Variants in MYCT1 observed in about 807,000 individuals in gnomAD.
The protein encoded by MYCT1 is myc target protein 1.
Under a neutral mutation model 15.0 loss-of-function variants are expected in MYCT1, and 12 were observed. That is an observed-to-expected ratio of 0.80 (90% CI 0.51 to 1.29). The LOEUF is 1.29. Among genes scored for constraint, MYCT1 ranks in the 50% most tolerant of loss-of-function variants. The pLI is 0.00. For synonymous variants in MYCT1, 104 were observed against 102.7 expected, an observed-to-expected ratio of 1.01 and a Z score of -0.07; for missense variants, 287 against 279.1, an observed-to-expected ratio of 1.03 and a Z score of -0.20.
At chr6:152,731,951 G>A in the MYCT1 span, among the ~76,000 whole-genome samples, 1 of 152,142 alleles carries the variant, frequency 6.6e-6, no homozygotes, top group South Asian at 2.1e-4. Context: ...GTTTCACCAT[G>A]TGGCCTCGGC....
At chr6:152,742,688 T>C in the MYCT1 span, among the ~76,000 whole-genome samples, 1 of 152,202 alleles carries the variant, frequency 6.6e-6, no homozygotes, top group East Asian at 1.9e-4. Flanking sequence ...GGGCCTTCTT[T>C]AGTGGATCCT....
intron 1 of MYCT1, among the ~76,000 whole-genome samples, chr6:152,706,596 A>T (rs78811126): frequency 0.01 from 1,548 of 152,226 alleles, 23 homozygotes; most frequent in African/African-American, 0.036. Flanking sequence ...GTTTAAAGTT[A>T]AAAATACTAC....
intron 1 of MYCT1, among the ~76,000 whole-genome samples, chr6:152,720,561 G>A (rs1414756739): frequency 6.6e-6 from 1 of 152,192 alleles, no homozygotes; most frequent in Non-Finnish European, 1.5e-5. Context: ...TTTTGTCTAG[G>A]AAATGTAGGA....
intron 1 of MYCT1, among the ~76,000 whole-genome samples, chr6:152,704,840 A>AGGTAGTTAGCTTTATTTTTGGT (rs1452103538): frequency 1.3e-5 from 2 of 152,286 alleles, no homozygotes; most frequent in African/African-American, 4.8e-5. Context: ...CCATCACCTG[A>AGGTAGTTAGCTTTATTTTTGGT]GGTAGTTAGC....
chr6:152,721,940 A>G lies in MYCT1; in HGVS notation c.395A>G (p.Glu132Gly), dbSNP rs1304122616. 1.2e-6 allele frequency: 2 copies of G among 1,614,150 alleles called. No individual in the cohort carries two copies. The highest frequency in any genetic ancestry group is 8.5e-7 in the Non-Finnish European group (1 of 1,180,016). ...GGATTTTACCGCCACAGTGGCTGTG[A>G]ACGTCGAAGCAACCTCAGCCTGGCC... ...RTGFYRHSGC[E>G]RRSNLSLASL... The change falls in exon 2 of 2, where the codon GAA becomes GGA. Residue 132 changes from glutamate to glycine, a missense_variant. Physicochemically the swap from Glu to Gly is moderately conservative, Grantham distance 98 (BLOSUM62 -2). Transcript: ENST00000367245.
intron 1 of MYCT1, among the ~76,000 whole-genome samples, chr6:152,704,999 CT>C (rs2099722009): frequency 6.6e-6 from 1 of 152,124 alleles, no homozygotes; most frequent in Non-Finnish European, 1.5e-5. Flanking sequence ...CAGCATCTCC[CT>C]TTTTCCCTCA....
At chr6:152,730,025 C>T in the MYCT1 span, among the ~76,000 whole-genome samples, 3 of 152,130 alleles carry the variant, frequency 2.0e-5, no homozygotes, top group African/African-American at 7.2e-5. Context: ...TGTAGATGTG[C>T]CAATCACATT....
chr6:152,700,634 CT>C (rs1198198498), intron 1 of MYCT1, among the ~76,000 whole-genome samples: 1 of 152,066 alleles, frequency 6.6e-6, no homozygotes, highest in Non-Finnish European at 1.5e-5. Context: ...CCTATTTTTG[CT>C]TTCTTTAACG....
the MYCT1 span, among the ~76,000 whole-genome samples, chr6:152,736,925 G>A: frequency 4.4e-3 from 668 of 152,210 alleles, 4 homozygotes; most frequent in Non-Finnish European, 7.0e-3. Flanking sequence ...TAAGCACAGG[G>A]TATATTCCTA....
At chr6:152,746,671 A>T in the MYCT1 span, among the ~76,000 whole-genome samples, 2 of 152,236 alleles carry the variant, frequency 1.3e-5, no homozygotes, top group African/African-American at 4.8e-5. Context: ...TTCAACTTCC[A>T]CATCTTAGTA....
At chr6:152,735,235 G>A in the MYCT1 span, among the ~76,000 whole-genome samples, 3 of 152,068 alleles carry the variant, frequency 2.0e-5, no homozygotes, top group East Asian at 5.8e-4. Flanking sequence ...ATTGTTGAAA[G>A]AACTGGAGAA....
chr6:152,737,179 T>C, the MYCT1 span, among the ~76,000 whole-genome samples: 1 of 152,116 alleles, frequency 6.6e-6, no homozygotes, highest in Admixed American at 6.6e-5. Context: ...TTGCAAAATG[T>C]ACTTCTCTGT....
the MYCT1 span, among the ~76,000 whole-genome samples, chr6:152,733,976 A>G: frequency 6.6e-6 from 1 of 151,964 alleles, no homozygotes. Context: ...GCTTGTTAAC[A>G]TTTTGGCATA....
intron 1 of MYCT1, among the ~76,000 whole-genome samples, chr6:152,720,760 T>C (rs9384040): frequency 6.6e-6 from 1 of 151,682 alleles, no homozygotes; most frequent in African/African-American, 2.4e-5. Flanking sequence ...AGGGGAAACG[T>C]TGGGGACAAG....
the MYCT1 span, among the ~76,000 whole-genome samples, chr6:152,740,768 AT>A: frequency 1.1e-4 from 16 of 152,200 alleles, no homozygotes; most frequent in South Asian, 2.1e-4. Flanking sequence ...TGAAAAACTA[AT>A]TTTTTTATAT....
intron 1 of MYCT1, among the ~76,000 whole-genome samples, chr6:152,708,373 T>C (rs1285016370): frequency 6.6e-6 from 1 of 152,010 alleles, no homozygotes; most frequent in Non-Finnish European, 1.5e-5. Context: ...ATACATAAGA[T>C]TTTCAATATA....
chr6:152,716,446 A>G (rs2129070033), intron 1 of MYCT1, among the ~76,000 whole-genome samples: 1 of 152,296 alleles, frequency 6.6e-6, no homozygotes, highest in African/African-American at 2.4e-5. Context: ...AAACAATGTT[A>G]CATTCTGCCA....
chr6:152,740,212 G>T, the MYCT1 span, among the ~76,000 whole-genome samples: 8 of 151,916 alleles, frequency 5.3e-5, no homozygotes, highest in Non-Finnish European at 1.2e-4. Flanking sequence ...CACCATGCCC[G>T]GCTAATTTTG....
At chr6:152,732,901 G>T in the MYCT1 span, among the ~76,000 whole-genome samples, 1 of 152,190 alleles carries the variant, frequency 6.6e-6, no homozygotes, top group South Asian at 2.1e-4. Flanking sequence ...GAACCTTAAG[G>T]TGAGCTAAAG....
Sources: allele counts gnomAD v4.1 joint callset (sites outside exome capture counted in the v4.1 genomes callset), GRCh38; gene constraint gnomAD v4.1.1; transcripts MANE v1.5; gene names NCBI Gene and HGNC (gene_info 2026-07-23, HGNC 2026-07-21).